The following TPPP variants were observed in gnomAD, a reference collection of about 807,000 sequenced individuals.
The protein encoded by TPPP is tubulin polymerization-promoting protein.
A neutral mutation model predicts 15.5 loss-of-function variants in TPPP; 6 were observed. That is an observed-to-expected ratio of 0.39 (90% CI 0.21 to 0.77). The LOEUF is 0.77. Ranked by LOEUF, TPPP falls within the 30% of genes least tolerant of loss-of-function variation. TPPP has a pLI of 0.42. For synonymous variants in TPPP, 146 were observed against 133.9 expected (o/e 1.09, Z -0.63); for missense variants, 269 against 307.2 (o/e 0.88, Z 0.93).
Position 664,938 on chromosome 5 carries a change from TAGG to T in TPPP, c.*161_*163del, listed in dbSNP as rs1173957980. 2.7e-6 allele frequency: 2 copies of T among 737,820 alleles called. No individual in the cohort carries two copies. Among genetic ancestry groups the T allele is most frequent in the East Asian group, 5.4e-5 (2 of 37,032 alleles). 45.7% of individuals were successfully genotyped at this position (737,820 alleles called of 1,614,324 possible). A position where few individuals can be genotyped will look rare whatever the true frequency, so the allele number is the denominator to read the frequency against. The stretch of plus-strand genomic sequence containing the variant: ...AGAGGGGAGTGCTGGGGGCATCCGG[TAGG>T]AGGAGGGGCAGGAGGGAGGCCTGGG... On this transcript the variant is annotated 3_prime_UTR_variant, in exon 4 of 4. Transcript: ENST00000360578.
upstream of TPPP, among the ~76,000 whole-genome samples, chr5:697,876 C>G (rs1413900920): frequency 7.0e-6 from 1 of 143,522 alleles, no homozygotes; most frequent in Non-Finnish European, 1.5e-5. Flanking sequence ...GACAAAGGCG[C>G]AACAAAAAAA....
upstream of TPPP, among the ~76,000 whole-genome samples, chr5:697,507 A>T (rs1379010018): frequency 6.6e-6 from 1 of 152,032 alleles, no homozygotes; most frequent in African/African-American, 2.4e-5. Flanking sequence ...GGCCGCAGAG[A>T]AGGGAGGAAC....
At chr5:691,839 G>GC (rs1403442324) in intron 1 of TPPP, among the ~76,000 whole-genome samples, 8 of 63,040 alleles carry the variant, frequency 1.3e-4, no homozygotes, top group African/African-American at 4.5e-4. Flanking sequence ...CAAAACAGCA[G>GC]CCCTCAACCC....
intron 1 of TPPP, among the ~76,000 whole-genome samples, chr5:686,893 G>A (rs1401659168): frequency 1.4e-5 from 2 of 143,174 alleles, no homozygotes; most frequent in South Asian, 2.4e-4. Flanking sequence ...AAGGGCTGGG[G>A]CATGAGGACA....
At chr5:671,411 C>T (rs1468819219) in intron 2 of TPPP, among the ~76,000 whole-genome samples, 2 of 152,190 alleles carry the variant, frequency 1.3e-5, no homozygotes, top group African/African-American at 2.4e-5. Context: ...CCATCCACCC[C>T]AGTCTCGGCC....
At chr5:671,874 G>A (rs1259489654) in intron 2 of TPPP, among the ~76,000 whole-genome samples, 1 of 152,224 alleles carries the variant, frequency 6.6e-6, no homozygotes, top group Non-Finnish European at 1.5e-5. Flanking sequence ...GGTGTGGGGA[G>A]TGCAGCCCAC....
chr5:682,164 T>C (rs1446383029), intron 1 of TPPP, among the ~76,000 whole-genome samples: 1 of 149,506 alleles, frequency 6.7e-6, no homozygotes, highest in Non-Finnish European at 1.5e-5. Flanking sequence ...AGCCCCAGCC[T>C]CTGATCACAG....
At chr5:685,730 C>T (rs1019443335) in intron 1 of TPPP, among the ~76,000 whole-genome samples, 28 of 152,226 alleles carry the variant, frequency 1.8e-4, no homozygotes, top group African/African-American at 6.8e-4. Flanking sequence ...GTGGTCCTTG[C>T]AGCGCCCAGC....
intron 2 of TPPP, among the ~76,000 whole-genome samples, chr5:672,012 G>T (rs769860020): frequency 1.3e-5 from 2 of 152,220 alleles, no homozygotes; most frequent in African/African-American, 4.8e-5. Context: ...GTCACACACA[G>T]TGCTCTGAGG....
At chr5:675,743 C>T (rs952071130) in intron 2 of TPPP, 8 of 153,268 alleles carry the variant, frequency 5.2e-5, no homozygotes, top group African/African-American at 1.7e-4. Context: ...CAAGGGGCCC[C>T]AGGGATGAGT....
chr5:691,572 C>T (rs1334725615), intron 1 of TPPP, among the ~76,000 whole-genome samples: 2 of 47,602 alleles, frequency 4.2e-5, no homozygotes, highest in African/African-American at 9.6e-5. Context: ...AGCCCCCCAA[C>T]CCCCATCAAA....
At chr5:687,760 TATC>T (rs1169428495) in intron 1 of TPPP, among the ~76,000 whole-genome samples, 1 of 104,410 alleles carries the variant, frequency 9.6e-6, no homozygotes, top group Non-Finnish European at 2.2e-5. Flanking sequence ...GTTGAAAAAA[TATC>T]ATCAAGAGAG....
At chr5:674,794 G>GGCA (rs1740345967) in intron 2 of TPPP, among the ~76,000 whole-genome samples, 1 of 151,748 alleles carries the variant, frequency 6.6e-6, no homozygotes, top group African/African-American at 2.4e-5. Flanking sequence ...AGGGGACAGT[G>GGCA]GGCTGGTCTG....
In TPPP at chr5:664,953, G is replaced by GA. The variant is rs1438500700; in HGVS notation, c.*148dup. On this transcript the variant is annotated 3_prime_UTR_variant, in exon 4 of 4. Transcript: ENST00000360578. Reference sequence around the variant, plus strand: ...GGGCATCCGGTAGGAGGAGGGGCAGGAGGGAGGCCTGGGCCTGGCCGCCCC... The same window carrying GA: ...GGGCATCCGGTAGGAGGAGGGGCAGGAAGGGAGGCCTGGGCCTGGCCGCCCC... The GA allele has an allele frequency of 1.1e-5, 9 of 855,292 alleles. No individual in the cohort carries two copies. Among genetic ancestry groups the GA allele is most frequent in the Non-Finnish European group, 1.6e-5 (9 of 561,324 alleles). 53.0% of individuals were successfully genotyped at this position (855,292 alleles called of 1,614,324 possible). A position where few individuals can be genotyped will look rare whatever the true frequency, so the allele number is the denominator to read the frequency against.
At chr5:668,772 C>T (rs1039214150) in intron 2 of TPPP, among the ~76,000 whole-genome samples, 2 of 152,248 alleles carry the variant, frequency 1.3e-5, no homozygotes, top group South Asian at 4.1e-4. Flanking sequence ...AAACCCCAAA[C>T]AATCCAGTGC....
intron 1 of TPPP, among the ~76,000 whole-genome samples, chr5:684,226 C>T (rs57291021): frequency 0.11 from 16,923 of 152,302 alleles, 1,314 homozygotes; most frequent in African/African-American, 0.22. Context: ...GGCCCCAGGA[C>T]GCTGACTGAG....
upstream of TPPP, among the ~76,000 whole-genome samples, chr5:693,660 C>A (rs1268433593): frequency 6.6e-6 from 1 of 151,654 alleles, no homozygotes; most frequent in Admixed American, 6.6e-5. Context: ...CCTCACCTGG[C>A]TCTGGGGCCC....
At chr5:698,200 C>CT (rs1741046793), upstream of TPPP, among the ~76,000 whole-genome samples, 3 of 151,684 alleles carry the variant, frequency 2.0e-5, no homozygotes, top group African/African-American at 7.3e-5. Context: ...GATCCACAGC[C>CT]AACATCAGAA....
At chr5:667,171 C>T (rs1739951547) in intron 2 of TPPP, 1 of 152,228 alleles carries the variant, frequency 6.6e-6, no homozygotes, top group Admixed American at 6.5e-5. Flanking sequence ...GACTGACTAC[C>T]CAACTCCAAA....
Sources: allele counts gnomAD v4.1 joint callset (sites outside exome capture counted in the v4.1 genomes callset), GRCh38; gene constraint gnomAD v4.1.1; transcripts MANE v1.5; gene names NCBI Gene and HGNC (gene_info 2026-07-23, HGNC 2026-07-21).